ESRRG: variants seen among roughly 807,000 people sequenced by gnomAD.
ESRRG encodes estrogen related receptor gamma, also known as estrogen-related receptor gamma.
ESRRG carries 13 observed loss-of-function variants against 44.0 expected under a neutral mutation model. That is an observed-to-expected ratio of 0.30 (90% CI 0.19 to 0.47). The LOEUF is 0.47. ESRRG is among the 20% of genes least tolerant of loss of function. ESRRG has a pLI of 1.00. For synonymous variants in ESRRG, 215 were observed against 214.6 expected, an observed-to-expected ratio of 1.00 and a Z score of -0.02; for missense variants, 395 against 580.6, an observed-to-expected ratio of 0.68 and a Z score of 3.29.
At chr1:216,737,995 CTTTTT>C (rs144453643) in intron 2 of ESRRG, among the ~76,000 whole-genome samples, 3 of 119,616 alleles carry the variant, frequency 2.5e-5, no homozygotes, top group African/African-American at 6.2e-5. Flanking sequence ...TGAGACATCA[CTTTTT>C]TTTTTTTTTT....
At chr1:216,537,113 T>A (rs1297267463) in intron 5 of ESRRG, among the ~76,000 whole-genome samples, 1 of 151,994 alleles carries the variant, frequency 6.6e-6, no homozygotes, top group Non-Finnish European at 1.5e-5. Flanking sequence ...TGAAATCCTA[T>A]CGCCAAAGGT....
intron 1 of ESRRG, among the ~76,000 whole-genome samples, chr1:217,126,978 C>A (rs1448979108): frequency 1.3e-5 from 2 of 152,106 alleles, no homozygotes; most frequent in Admixed American, 6.5e-5. Flanking sequence ...TATTATTTAC[C>A]TTTTGTGCAT....
chr1:216,776,858 C>T (rs2093633863), intron 2 of ESRRG, among the ~76,000 whole-genome samples: 1 of 152,020 alleles, frequency 6.6e-6, no homozygotes. Context: ...GAAGTGTGGC[C>T]AGATGGGGAC....
intron 2 of ESRRG, among the ~76,000 whole-genome samples, chr1:216,919,894 C>T (rs2061616722): frequency 6.6e-6 from 1 of 152,168 alleles, no homozygotes; most frequent in Admixed American, 6.5e-5. Flanking sequence ...AGAGCACCTG[C>T]ATTAAATTTT....
chr1:217,084,141 A>AG (rs2091936131), intron 1 of ESRRG, among the ~76,000 whole-genome samples: 1 of 151,990 alleles, frequency 6.6e-6, no homozygotes, highest in Admixed American at 6.6e-5. Context: ...ATTAAAAAAA[A>AG]AAAAAACGAG....
chr1:217,092,695 T>A (rs1456462086), upstream of ESRRG, among the ~76,000 whole-genome samples: 1 of 152,214 alleles, frequency 6.6e-6, no homozygotes, highest in East Asian at 1.9e-4. Flanking sequence ...CACTTCCCAA[T>A]TCCTTTCTGA....
At chr1:216,767,189 C>A (rs190587170) in intron 2 of ESRRG, among the ~76,000 whole-genome samples, 1 of 152,032 alleles carries the variant, frequency 6.6e-6, no homozygotes, top group Non-Finnish European at 1.5e-5. Flanking sequence ...CCGTAGTTAA[C>A]AAGGTTTTCC....
intron 3 of ESRRG, among the ~76,000 whole-genome samples, chr1:216,641,313 T>C (rs1574599949): frequency 6.6e-6 from 1 of 152,198 alleles, no homozygotes; most frequent in African/African-American, 2.4e-5. Flanking sequence ...AATATATACA[T>C]AAATATAAAA....
chr1:216,971,081 C>G (rs574227853), intron 1 of ESRRG, among the ~76,000 whole-genome samples: 109 of 152,244 alleles, frequency 7.2e-4, no homozygotes, highest in African/African-American at 2.6e-3. Context: ...CCCTGGAAAC[C>G]CTCATTCCAA....
intron 5 of ESRRG, among the ~76,000 whole-genome samples, chr1:216,550,722 A>G (rs892849201): frequency 4.6e-5 from 7 of 152,198 alleles, no homozygotes; most frequent in Non-Finnish European, 8.8e-5. Context: ...CTATATTCCC[A>G]TATTAAGTCA....
At chr1:216,512,263 C>T (rs1174533989) in intron 6 of ESRRG, among the ~76,000 whole-genome samples, 2 of 152,062 alleles carry the variant, frequency 1.3e-5, no homozygotes, top group Non-Finnish European at 2.9e-5. Flanking sequence ...GATTAAGTCT[C>T]GGGATCCAGT....
At chr1:216,681,314 T>C (rs797012177) in intron 1 of ESRRG, among the ~76,000 whole-genome samples, 4 of 152,272 alleles carry the variant, frequency 2.6e-5, no homozygotes, top group African/African-American at 9.6e-5. Flanking sequence ...ATTATTATAC[T>C]TTAAGTTTTA....
At chr1:216,703,775 T>A (rs1215138084) in intron 1 of ESRRG, among the ~76,000 whole-genome samples, 1 of 151,760 alleles carries the variant, frequency 6.6e-6, no homozygotes, top group Non-Finnish European at 1.5e-5. Flanking sequence ...AGAGCTGGGA[T>A]GCCAAAGGAG....
intron 1 of ESRRG, among the ~76,000 whole-genome samples, chr1:216,989,450 A>C (rs12059671): frequency 0.24 from 33,929 of 142,010 alleles, 4,371 homozygotes; most frequent in African/African-American, 0.32. Flanking sequence ...AAAAAAAAAA[A>C]CACAGTGGGA....
At chr1:216,517,168 T>C (rs1020323794) in intron 6 of ESRRG, among the ~76,000 whole-genome samples, 3 of 152,126 alleles carry the variant, frequency 2.0e-5, no homozygotes, top group African/African-American at 7.2e-5. Flanking sequence ...ACTACCATGA[T>C]AAGAGAAGAA....
intron 3 of ESRRG, among the ~76,000 whole-genome samples, chr1:216,591,613 A>G (rs1465516646): frequency 1.3e-5 from 2 of 152,214 alleles, no homozygotes; most frequent in African/African-American, 2.4e-5. Context: ...GACATGGCTG[A>G]CACTGAGGTT....
intron 2 of ESRRG, among the ~76,000 whole-genome samples, chr1:216,819,276 T>C (rs1212390041): frequency 6.6e-6 from 1 of 152,210 alleles, no homozygotes; most frequent in African/African-American, 2.4e-5. Context: ...TTTGTTTGCA[T>C]ATGCTTATTT....
intron 2 of ESRRG, among the ~76,000 whole-genome samples, chr1:216,852,370 TG>T (rs1266417694): frequency 6.6e-6 from 1 of 152,174 alleles, no homozygotes; most frequent in African/African-American, 2.4e-5. Context: ...GGAAATTCTT[TG>T]GAGAAGAAAC....
chr1:216,854,638 T>C (rs566498922), intron 2 of ESRRG, among the ~76,000 whole-genome samples: 3 of 152,278 alleles, frequency 2.0e-5, no homozygotes, highest in East Asian at 3.9e-4. Flanking sequence ...AATGATCATG[T>C]CTATATGGCG....
Sources: allele counts gnomAD v4.1 joint callset (sites outside exome capture counted in the v4.1 genomes callset), GRCh38; gene constraint gnomAD v4.1.1; transcripts MANE v1.5; gene names NCBI Gene and HGNC (gene_info 2026-07-23, HGNC 2026-07-21).